The following PDE1C variants were observed in gnomAD, a reference collection of about 807,000 sequenced individuals.
PDE1C encodes dual specificity calcium/calmodulin-dependent 3',5'-cyclic nucleotide phosphodiesterase 1C.
A neutral mutation model predicts 93.1 loss-of-function variants in PDE1C; 62 were observed. That is an observed-to-expected ratio of 0.67 (90% CI 0.54 to 0.82). The LOEUF is 0.82. Among genes scored for constraint, PDE1C ranks in the 40% least tolerant of loss-of-function variants. The pLI is 0.00. For synonymous variants in PDE1C, 325 were observed against 310.1 expected, an observed-to-expected ratio of 1.05 and a Z score of -0.50; for missense variants, 742 against 884.6, an observed-to-expected ratio of 0.84 and a Z score of 2.04.
At chr7:32,040,104 T>G (rs942644249) in intron 2 of PDE1C, among the ~76,000 whole-genome samples, 1 of 152,190 alleles carries the variant, frequency 6.6e-6, no homozygotes, top group Non-Finnish European at 1.5e-5. Flanking sequence ...CAGCTACATT[T>G]ATGAAACATA....
intron 2 of PDE1C, among the ~76,000 whole-genome samples, chr7:32,190,889 A>G (rs1352569334): frequency 2.6e-5 from 4 of 152,180 alleles, no homozygotes; most frequent in East Asian, 1.9e-4. Context: ...GAGGTGGTCT[A>G]TGATCAAAGT....
intron 9 of PDE1C, among the ~76,000 whole-genome samples, chr7:31,839,561 G>A (rs965845525): frequency 1.3e-5 from 2 of 152,128 alleles, no homozygotes; most frequent in African/African-American, 4.8e-5. Flanking sequence ...GCATACCACA[G>A]TTTGTTATCC....
intron 3 of PDE1C, among the ~76,000 whole-genome samples, chr7:32,099,931 C>T (rs1797961191): frequency 6.6e-6 from 1 of 152,158 alleles, no homozygotes; most frequent in African/African-American, 2.4e-5. Context: ...TCCCATGCCC[C>T]CACCCCTCAT....
At chr7:32,052,213 A>G (rs1793481546) in intron 1 of PDE1C, 2 of 443,396 alleles carry the variant, frequency 4.5e-6, no homozygotes, top group South Asian at 1.6e-5. Flanking sequence ...GTTGAGAACC[A>G]GCATTAGGAA....
intron 2 of PDE1C, among the ~76,000 whole-genome samples, chr7:31,915,699 A>G (rs1008805344): frequency 1.3e-5 from 2 of 152,198 alleles, no homozygotes; most frequent in African/African-American, 4.8e-5. Context: ...ATATATTAGC[A>G]ACTTAGAGAA....
chr7:32,134,787 A>G (rs892536540), intron 3 of PDE1C, among the ~76,000 whole-genome samples: 3 of 152,090 alleles, frequency 2.0e-5, no homozygotes, highest in Non-Finnish European at 4.4e-5. Context: ...AAGGAGACAG[A>G]TAGGACAGAT....
At chr7:31,750,868 C>A (rs957391834), downstream of PDE1C, among the ~76,000 whole-genome samples, 4 of 152,158 alleles carry the variant, frequency 2.6e-5, no homozygotes, top group African/African-American at 9.7e-5. Flanking sequence ...AGTAGCTGCG[C>A]AAAGTCCCAA....
At chr7:31,722,398 C>T in the PDE1C span, among the ~76,000 whole-genome samples, 1 of 152,168 alleles carries the variant, frequency 6.6e-6, no homozygotes, top group Non-Finnish European at 1.5e-5. Flanking sequence ...GAACACTGGG[C>T]TAGACACAAA....
At chr7:31,651,579 A>G in the PDE1C span, among the ~76,000 whole-genome samples, 1 of 152,116 alleles carries the variant, frequency 6.6e-6, no homozygotes, top group South Asian at 2.1e-4. Flanking sequence ...AGTTTTGAAA[A>G]TCTGCATTGG....
intron 1 of PDE1C, among the ~76,000 whole-genome samples, chr7:32,370,145 C>A (rs1385001574): frequency 6.6e-6 from 1 of 152,158 alleles, no homozygotes; most frequent in Non-Finnish European, 1.5e-5. Context: ...GAATACTATG[C>A]AGCCATAAAA....
intron 3 of PDE1C, among the ~76,000 whole-genome samples, chr7:32,082,901 G>GA (rs1221264432): frequency 1.3e-5 from 2 of 151,082 alleles, no homozygotes; most frequent in Non-Finnish European, 1.5e-5. Flanking sequence ...CAAAGATGGG[G>GA]AAAAAACAGA....
chr7:31,997,824 T>C (rs1319280936), intron 2 of PDE1C, among the ~76,000 whole-genome samples: 2 of 152,110 alleles, frequency 1.3e-5, no homozygotes. Flanking sequence ...AACGTACATG[T>C]GACCCTCTCA....
intron 1 of PDE1C, among the ~76,000 whole-genome samples, chr7:32,418,349 C>G (rs1785319091): frequency 6.6e-6 from 1 of 152,186 alleles, no homozygotes; most frequent in Admixed American, 6.5e-5. Context: ...AGATAATTCC[C>G]CAAGCTTCAT....
chr7:32,029,257 AGT>A (rs1491032059), intron 2 of PDE1C, among the ~76,000 whole-genome samples: 1 of 4,428 alleles, frequency 2.3e-4, no homozygotes, highest in African/African-American at 1.4e-3. Context: ...AAATTAGTAC[AGT>A]ACAGCCATTA....
At chr7:32,128,377 C>A (rs1411364248) in intron 3 of PDE1C, among the ~76,000 whole-genome samples, 1 of 151,656 alleles carries the variant, frequency 6.6e-6, no homozygotes, top group Non-Finnish European at 1.5e-5. Context: ...TATATGTCAA[C>A]ACACAACATA....
intron 1 of PDE1C, among the ~76,000 whole-genome samples, chr7:32,383,519 G>A (rs1368436354): frequency 6.6e-6 from 1 of 152,228 alleles, no homozygotes; most frequent in Non-Finnish European, 1.5e-5. Flanking sequence ...CACACAGCAG[G>A]AACCAAGGGA....
intron 1 of PDE1C, among the ~76,000 whole-genome samples, chr7:32,356,153 G>T (rs546471422): frequency 5.8e-4 from 89 of 152,298 alleles, no homozygotes; most frequent in African/African-American, 2.1e-3. Context: ...GAGGGATATG[G>T]TAGAGGACAG....
intron 1 of PDE1C, among the ~76,000 whole-genome samples, chr7:32,059,980 G>A (rs373693052): frequency 2.8e-4 from 42 of 152,270 alleles, no homozygotes; most frequent in African/African-American, 9.9e-4. Flanking sequence ...CTGGGAGCCC[G>A]TCTCCTGCTT....
chr7:32,166,779 G>A (rs908765199), intron 3 of PDE1C, among the ~76,000 whole-genome samples: 2 of 152,194 alleles, frequency 1.3e-5, no homozygotes, highest in African/African-American at 4.8e-5. Flanking sequence ...AGCCTGATTG[G>A]AAGACAAGGC....
Sources: gnomAD v4.1 joint callset for allele counts (sites outside exome capture counted in the v4.1 genomes callset) on GRCh38, gnomAD v4.1.1 for gene constraint, MANE v1.5 for transcripts, NCBI Gene and HGNC (gene_info 2026-07-23, HGNC 2026-07-21) for gene names.